RFX3: variants seen among roughly 807,000 people sequenced by gnomAD.
RFX3 encodes transcription factor RFX3.
RFX3 carries 14 observed loss-of-function variants against 98.6 expected under a neutral mutation model. The ratio of observed to expected loss-of-function variants is 0.14; its 90% CI spans 0.09 to 0.22. The LOEUF is 0.22. Among genes scored for constraint, RFX3 ranks in the 10% least tolerant of loss-of-function variants. The pLI, the probability that RFX3 is intolerant of heterozygous loss-of-function variation, is 1.00. For missense variants in RFX3, 639 were observed against 926.9 expected (o/e 0.69, Z 4.03); for synonymous variants, 383 against 328.4 (o/e 1.17, Z -1.80).
chr9:3,504,180 T>A (rs943623988), intron 1 of RFX3, among the ~76,000 whole-genome samples: 5 of 96,144 alleles, frequency 5.2e-5, no homozygotes, highest in African/African-American at 3.5e-4. Flanking sequence ...TTATATATTA[T>A]ACATATTATA....
At chr9:3,316,632 G>A (rs1051909369) in intron 4 of RFX3, among the ~76,000 whole-genome samples, 1 of 152,172 alleles carries the variant, frequency 6.6e-6, no homozygotes, top group Non-Finnish European at 1.5e-5. Context: ...AAACCCCATT[G>A]TCTCAGCCCA....
chr9:3,251,359 T>C (rs1821371968), intron 14 of RFX3, among the ~76,000 whole-genome samples: 1 of 152,140 alleles, frequency 6.6e-6, no homozygotes, highest in Admixed American at 6.5e-5. Flanking sequence ...TTATTTTTTT[T>C]TTTTAGAGAC....
intron 1 of RFX3, among the ~76,000 whole-genome samples, chr9:3,414,558 T>C (rs890496935): frequency 2.0e-5 from 3 of 149,738 alleles, no homozygotes; most frequent in South Asian, 2.1e-4. Flanking sequence ...TGTGTATATA[T>C]ATATGCTAGT....
intron 1 of RFX3, among the ~76,000 whole-genome samples, chr9:3,518,114 A>G (rs1441489488): frequency 1.3e-5 from 2 of 152,226 alleles, no homozygotes; most frequent in East Asian, 1.9e-4. Context: ...ACAATATGCT[A>G]TACTATATAG....
At chr9:3,507,121 A>G (rs1056280312) in intron 1 of RFX3, among the ~76,000 whole-genome samples, 4 of 151,906 alleles carry the variant, frequency 2.6e-5, no homozygotes, top group African/African-American at 7.2e-5. Context: ...GTAAGCTTAT[A>G]AACAATTTAA....
intron 15 of RFX3, among the ~76,000 whole-genome samples, chr9:3,240,812 C>T (rs796991106): frequency 3.9e-5 from 6 of 152,290 alleles, no homozygotes; most frequent in African/African-American, 1.4e-4. Flanking sequence ...GTGTCAAAGC[C>T]AAGAGCCACT....
chr9:3,477,418 A>C (rs1354287694), intron 1 of RFX3, among the ~76,000 whole-genome samples: 1 of 152,150 alleles, frequency 6.6e-6, no homozygotes, highest in Non-Finnish European at 1.5e-5. Context: ...GAAACGTCTT[A>C]ATTTCACTTT....
chr9:3,424,921 T>C (rs1459540402), intron 1 of RFX3, among the ~76,000 whole-genome samples: 2 of 152,156 alleles, frequency 1.3e-5, no homozygotes, highest in African/African-American at 4.8e-5. Flanking sequence ...GAGAGTAGGA[T>C]GCCTTAATAA....
chr9:3,362,604 T>C (rs1221837870), intron 2 of RFX3, among the ~76,000 whole-genome samples: 1 of 152,210 alleles, frequency 6.6e-6, no homozygotes, highest in Non-Finnish European at 1.5e-5. Context: ...AACTACATGA[T>C]TGCTATAGGC....
At chr9:3,317,696 A>G (rs1449646912) in intron 4 of RFX3, among the ~76,000 whole-genome samples, 2 of 152,376 alleles carry the variant, frequency 1.3e-5, no homozygotes, top group Non-Finnish European at 1.5e-5. Context: ...CAACCCCATC[A>G]AAAAGTGGGC....
At chr9:3,404,680 T>C (rs1168497208) in intron 1 of RFX3, among the ~76,000 whole-genome samples, 3 of 152,318 alleles carry the variant, frequency 2.0e-5, no homozygotes, top group East Asian at 1.9e-4. Context: ...GTAAATTCCT[T>C]ACAAAAATAT....
chr9:3,514,192 T>G (rs2133860140), intron 1 of RFX3, among the ~76,000 whole-genome samples: 1 of 152,192 alleles, frequency 6.6e-6, no homozygotes, highest in East Asian at 1.9e-4. Context: ...CCCTAATCTT[T>G]CTTTGCCTCA....
chr9:3,345,375 T>A (rs760594855), intron 3 of RFX3, among the ~76,000 whole-genome samples: 1 of 151,974 alleles, frequency 6.6e-6, no homozygotes, highest in South Asian at 2.1e-4. Flanking sequence ...AAGGCGGAGG[T>A]AGGAATGCGG....
chr9:3,493,700 A>AAATATATATATATATAT (rs398010211), intron 1 of RFX3, among the ~76,000 whole-genome samples: 2 of 71,816 alleles, frequency 2.8e-5, no homozygotes, highest in African/African-American at 1.2e-4. Flanking sequence ...AAAAAAAAAA[A>AAATATATATATATATAT]ATATATATAT....
intron 9 of RFX3, among the ~76,000 whole-genome samples, chr9:3,272,526 T>G (rs745950791): frequency 2.6e-5 from 4 of 152,114 alleles, no homozygotes; most frequent in African/African-American, 4.8e-5. Context: ...CAGTCCTCAG[T>G]AACAATAAAA....
At chr9:3,445,377 A>G (rs529446493) in intron 1 of RFX3, among the ~76,000 whole-genome samples, 1 of 151,824 alleles carries the variant, frequency 6.6e-6, no homozygotes, top group East Asian at 1.9e-4. Context: ...TAAGCAAAAC[A>G]TCTTGAACAC....
At chr9:3,324,373 C>T (rs544283638) in intron 4 of RFX3, among the ~76,000 whole-genome samples, 2 of 151,990 alleles carry the variant, frequency 1.3e-5, no homozygotes, top group South Asian at 2.1e-4. Context: ...AACTATATTG[C>T]TTTTCTGTCT....
chr9:3,408,361 C>T (rs921795162), intron 1 of RFX3, among the ~76,000 whole-genome samples: 4 of 152,122 alleles, frequency 2.6e-5, no homozygotes, highest in Non-Finnish European at 1.5e-5. Context: ...CATCTCTATT[C>T]CTGCTTGAGC....
At chr9:3,298,468 T>C (rs953842148) in intron 5 of RFX3, among the ~76,000 whole-genome samples, 3 of 151,900 alleles carry the variant, frequency 2.0e-5, no homozygotes, top group Non-Finnish European at 2.9e-5. Flanking sequence ...CCTTCTATTG[T>C]TTCTTTTTAT....
Sources: allele counts gnomAD v4.1 joint callset (sites outside exome capture counted in the v4.1 genomes callset), GRCh38; gene constraint gnomAD v4.1.1; transcripts MANE v1.5; gene names NCBI Gene and HGNC (gene_info 2026-07-23, HGNC 2026-07-21).